Variants in ZNF41 observed in about 807,000 individuals in gnomAD.
ZNF41 encodes zinc finger protein 41.
A neutral mutation model predicts 9.3 loss-of-function variants in ZNF41; 6 were observed. That is an observed-to-expected ratio of 0.65 (90% CI 0.35 to 1.28). ZNF41 has a LOEUF of 1.28. ZNF41 is among the 50% of genes most tolerant of loss of function. The pLI is 0.03. For synonymous variants in ZNF41, 192 were observed against 207.1 expected (o/e 0.93, Z 0.63); for missense variants, 523 against 585.8 (o/e 0.89, Z 1.11).
At chrX:47,462,910 G>GTATA (rs61273021) in intron 2 of ZNF41, among the ~76,000 whole-genome samples, 2,667 of 92,661 alleles carry the variant, frequency 0.029, 36 homozygotes, top group Middle Eastern at 0.043. Flanking sequence ...TTTTTTGTAT[G>GTATA]TATATATATA....
chrX:47,471,916 T>C (rs1735250861), intron 1 of ZNF41, among the ~76,000 whole-genome samples: 1 of 111,514 alleles, frequency 9.0e-6, no homozygotes, highest in Non-Finnish European at 1.9e-5. Flanking sequence ...TACAATAAGA[T>C]AATCCTCCAC....
intron 2 of ZNF41, among the ~76,000 whole-genome samples, chrX:47,463,988 G>A (rs1226051223): frequency 9.0e-6 from 1 of 111,255 alleles, no homozygotes; most frequent in Non-Finnish European, 1.9e-5. Flanking sequence ...CTGGTTCCTC[G>A]GGAAGTTGCT....
Position 47,447,819 on chromosome X carries a change from G to A in ZNF41, c.1951C>T (p.Arg651Cys), listed in dbSNP as rs1034722729. The change falls in exon 5 of 5, where the codon CGT (arginine) becomes TGT (cysteine). Residue 651 changes from arginine to cysteine, a missense_variant. Physicochemically the swap from Arg to Cys is radical, Grantham distance 180. Transcript: ENST00000684689. ...CCTGTGTGGATTTTCTGATGCACAC[G>A]GAGTTGTGACTTCTTAGTGAAGCAT... ...GKCFTKKSQL[R>C]VHQKIHTGEK... 6 of 1,209,730 alleles carry A rather than the reference G, an allele frequency of 5.0e-6. No individual in the cohort carries two copies. Among genetic ancestry groups the A allele is most frequent in the East Asian group, 3.0e-5 (1 of 33,717 alleles).
At chrX:47,459,548 G>C (rs1215460413) in intron 2 of ZNF41, among the ~76,000 whole-genome samples, 4 of 107,757 alleles carry the variant, frequency 3.7e-5, no homozygotes. Flanking sequence ...TTTGAGACCA[G>C]CCTGGACAAC....
At chrX:47,480,338 C>T (rs979615995) in intron 1 of ZNF41, among the ~76,000 whole-genome samples, 2 of 111,202 alleles carry the variant, frequency 1.8e-5, no homozygotes, top group African/African-American at 3.3e-5. Flanking sequence ...ATTCATTTAA[C>T]GACTGGTGCT....
At chrX:47,466,939 T>G (rs910754062) in intron 2 of ZNF41, among the ~76,000 whole-genome samples, 13 of 111,574 alleles carry the variant, frequency 1.2e-4, no homozygotes, top group Admixed American at 2.9e-4. Flanking sequence ...TAAATCAGGA[T>G]AGAGGAGAAA....
chrX:47,467,513 C>T lies in ZNF41; in HGVS notation c.-32G>A, dbSNP rs1229414708. 1 of 1,170,734 alleles carries T rather than the reference C, an allele frequency of 8.5e-7. No individual in the cohort carries two copies. Among genetic ancestry groups the T allele is most frequent in the Non-Finnish European group, 1.1e-6 (1 of 873,570 alleles). ...GCTGGGCCTCAGCCCTCAGGCTCTCCTGCTGACAACCCCACTCTTCCCCAA... is the reference window on the plus strand; with the variant it reads ...GCTGGGCCTCAGCCCTCAGGCTCTCTTGCTGACAACCCCACTCTTCCCCAA... On this transcript the variant is annotated 5_prime_UTR_variant, in exon 2 of 5. Coordinates refer to ENST00000684689, the MANE Select transcript of ZNF41 (RefSeq NM_001324144.2).
In ZNF41 at chrX:47,448,835, G is replaced by A; in HGVS notation, c.935C>T (p.Pro312Leu). ...DKSNKVFPQK[P>L]QVDVHPSVYT... ...AACACTTGGATGTACATCAACCTGG[G>A]GTTTCTGGGGGAAGACTTTGTTGCT... Residue 312 changes from proline (P) to leucine (L), a missense_variant, in exon 5 of 5, where the codon CCC becomes CTC. Coordinates refer to ENST00000684689, the MANE Select transcript of ZNF41 (RefSeq NM_001324144.2). 3 of 1,211,418 alleles carry A rather than the reference G, an allele frequency of 2.5e-6. No individual in the cohort carries two copies. The highest frequency in any genetic ancestry group is 3.4e-6 in the Non-Finnish European group (3 of 895,455).
Position 47,448,859 on chromosome X carries a change from C to T in ZNF41, c.911G>A (p.Ser304Asn), listed in dbSNP as rs2056238624. The change falls in exon 5 of 5, where the codon AGC (serine) becomes AAC (asparagine). Residue 304 changes from serine (S) to asparagine (N), a missense_variant. Ser to Asn is a conservative substitution (Grantham distance 46). Coordinates refer to ENST00000684689, the MANE Select transcript of ZNF41 (RefSeq NM_001324144.2). ...GGGTTTCTGGGGGAAGACTTTGTTG[C>T]TTTTGTCACATTCACGGGACTTTTC... Reference protein sequence around the residue: ...AGEKSRECDKSNKVFPQKPQV... With the variant: ...AGEKSRECDKNNKVFPQKPQV... The T allele has an allele frequency of 2.5e-6, 3 of 1,209,519 alleles. No homozygotes were observed. Among genetic ancestry groups the T allele is most frequent in the Admixed American group, 4.4e-5 (2 of 45,611 alleles).
intron 4 of ZNF41, 65 bp from the exon 5 acceptor site, chrX:47,449,539 T>C: frequency 8.8e-7 from 1 of 1,131,596 alleles, no homozygotes; most frequent in Non-Finnish European, 1.2e-6. Context: ...AGAGGGGACA[T>C]GTAGTTCAGA....
At chrX:47,471,677 T>C (rs1322058278) in intron 1 of ZNF41, among the ~76,000 whole-genome samples, 3 of 111,309 alleles carry the variant, frequency 2.7e-5, no homozygotes, top group African/African-American at 9.8e-5. Context: ...CATCAGAAGA[T>C]AAAATTAAAA....
rs1025552540 is a variant in ZNF41 at position 47,448,318 on chromosome X, C to T, written c.1452G>A (p.Val484=). Reference sequence around the variant, plus strand: ...TCTCTCCGGTGTGAATTCTTTGATGCACATGGAGTTGTGACTTCTTAGTGA... The same window carrying T: ...TCTCTCCGGTGTGAATTCTTTGATGTACATGGAGTTGTGACTTCTTAGTGA... ...KSFTKKSQLH[V]HQRIHTGEKP... is the part of the protein sequence containing the mutation. Residue 484 remains valine, a synonymous_variant, in exon 5 of 5, where the codon GTG becomes GTA. Transcript: ENST00000684689. 9.9e-6 allele frequency: 12 copies of T among 1,209,018 alleles called. No homozygotes were observed. The highest frequency in any genetic ancestry group is 1.2e-5 in the Non-Finnish European group (11 of 894,835).
intron 1 of ZNF41, among the ~76,000 whole-genome samples, chrX:47,469,450 C>T (rs1444449300): frequency 9.4e-6 from 1 of 106,368 alleles, no homozygotes; most frequent in African/African-American, 3.4e-5. Context: ...GGAATAGAAA[C>T]AGAAATGTCA....
chrX:47,453,917 C>T (rs1602851983), intron 4 of ZNF41, among the ~76,000 whole-genome samples: 1 of 110,782 alleles, frequency 9.0e-6, no homozygotes. Flanking sequence ...ACTAAATATA[C>T]AAGAATTAGC....
At chrX:47,470,399 G>A (rs1255155507) in intron 1 of ZNF41, among the ~76,000 whole-genome samples, 2 of 64,963 alleles carry the variant, frequency 3.1e-5, no homozygotes, top group Non-Finnish European at 5.5e-5. Flanking sequence ...GTGACAGAGC[G>A]AGACTCCGTC....
chrX:47,468,301 G>T (rs1408577396), intron 1 of ZNF41, among the ~76,000 whole-genome samples: 1 of 111,595 alleles, frequency 9.0e-6, no homozygotes, highest in Non-Finnish European at 1.9e-5. Context: ...AAACACTGTG[G>T]TTCCTGCTAC....
At chrX:47,450,809 C>T (rs1051146114) in intron 4 of ZNF41, among the ~76,000 whole-genome samples, 2 of 111,514 alleles carry the variant, frequency 1.8e-5, no homozygotes, top group Non-Finnish European at 3.8e-5. Flanking sequence ...CATCATTAAC[C>T]AGGCAGGTGA....
At chrX:47,453,949 G>A (rs1387631279) in intron 4 of ZNF41, among the ~76,000 whole-genome samples, 1 of 111,026 alleles carries the variant, frequency 9.0e-6, no homozygotes, top group East Asian at 2.8e-4. Flanking sequence ...GTGCACATCT[G>A]TAATCCCAGC....
intron 1 of ZNF41, among the ~76,000 whole-genome samples, chrX:47,468,531 A>G (rs1334959667): frequency 9.0e-6 from 1 of 111,287 alleles, no homozygotes; most frequent in African/African-American, 3.3e-5. Context: ...CTGTGTCCCA[A>G]ATGGTGTCAT....
Sources: allele counts gnomAD v4.1 joint callset (sites outside exome capture counted in the v4.1 genomes callset), GRCh38; gene constraint gnomAD v4.1.1; transcripts MANE v1.5; gene names NCBI Gene and HGNC (gene_info 2026-07-23, HGNC 2026-07-21).